Variants in ZNHIT3 observed in about 807,000 individuals in gnomAD.
ZNHIT3 encodes zinc finger HIT domain-containing protein 3.
In ZNHIT3, 27 loss-of-function variants were observed where a neutral mutation model predicts 19.9. The observed-to-expected ratio is 1.36, with a 90% CI of 1.00 to 1.87. ZNHIT3 has a LOEUF of 1.87. Ranked by LOEUF, ZNHIT3 falls within the 40% of genes most tolerant of loss-of-function variation. The pLI is 0.00. For missense variants in ZNHIT3, 215 were observed against 185.6 expected, an observed-to-expected ratio of 1.16 and a Z score of -0.92; for synonymous variants, 81 against 65.7, an observed-to-expected ratio of 1.23 and a Z score of -1.13.
chr17:36,496,322 A>G (rs746978850), downstream of ZNHIT3: 5 of 1,614,052 alleles, frequency 3.1e-6, no homozygotes, highest in Non-Finnish European at 4.2e-6. Flanking sequence ...ATCTGATTAA[A>G]GCCTGTAATG....
chr17:36,495,302 CAA>C lies in ZNHIT3; in HGVS notation c.368_369del (p.Lys123SerfsTer30). On this transcript the variant is annotated frameshift_variant, in exon 5 of 5. Transcript: ENST00000617429. LOFTEE classifies it high-confidence loss of function. ...LMVNLDQGEDKAKLMRAYMQE... is the reference protein window; with the variant it reads ...LMVNLDQGEDXAKLMRAYMQE... Reference sequence around the variant, plus strand: ...TGGTCAACCTCGATCAGGGAGAAGACAAAGCAAAGCTCATGAGAGCTTACATG... The same window carrying C: ...TGGTCAACCTCGATCAGGGAGAAGACAGCAAAGCTCATGAGAGCTTACATG... 1 of 1,613,830 alleles carries C rather than the reference CAA, an allele frequency of 6.2e-7. No homozygotes were observed. The highest frequency in any genetic ancestry group is 8.5e-7 in the Non-Finnish European group (1 of 1,179,978).
downstream of ZNHIT3, chr17:36,498,929 T>C (rs2071248382): frequency 3.1e-6 from 2 of 653,674 alleles, no homozygotes; most frequent in Non-Finnish European, 5.4e-6. Context: ...GCCCACTGCA[T>C]ACATGAGGAA....
downstream of ZNHIT3, chr17:36,499,051 C>T: frequency 3.8e-6 from 6 of 1,580,040 alleles, no homozygotes; most frequent in Non-Finnish European, 5.2e-6. Context: ...CACTGCCCAC[C>T]CCGACTTCTT....
intron 2 of ZNHIT3, chr17:36,491,303 A>C (rs1356335799): frequency 6.6e-6 from 1 of 152,270 alleles, no homozygotes; most frequent in Non-Finnish European, 1.5e-5. Flanking sequence ...GGGTGCATTC[A>C]GGGTGGCTTA....
chr17:36,491,073 C>T (rs1567715088), intron 2 of ZNHIT3: 1 of 152,232 alleles, frequency 6.6e-6, no homozygotes, highest in Non-Finnish European at 1.5e-5. Context: ...ATCCTTCCAC[C>T]TTGGCCTCCC....
In ZNHIT3 at chr17:36,495,231, G is replaced by C. The variant is rs772327880; in HGVS notation, c.295G>C (p.Ala99Pro). Residue 99 changes from alanine to proline, a missense_variant, in exon 5 of 5, where the codon GCA becomes CCA. Physicochemically the swap from Ala to Pro is conservative, Grantham distance 27. Coordinates refer to ENST00000617429, the MANE Select transcript of ZNHIT3 (RefSeq NM_004773.4). ...TTCTTGTTAATTTTTAGGGGAATCT[G>C]CAACATTAAGAAGCTTATTGCTCAA... ...LQNLKNLGES[A>P]TLRSLLLNPH... 1 of 1,567,734 alleles carries C rather than the reference G, an allele frequency of 6.4e-7. No individual in the cohort carries two copies. The highest frequency in any genetic ancestry group is 1.4e-5 in the African/African-American group (1 of 72,400).
chr17:36,492,819 G>A lies in ZNHIT3; in HGVS notation c.125G>A (p.Cys42Tyr). Residue 42 changes from cysteine to tyrosine, a missense_variant, in exon 3 of 5, where the codon TGC becomes TAC. Transcript: ENST00000617429. ...VVCFRKHKEQ[C>Y]NPETRPVEKK... is the part of the protein sequence containing the mutation. ...GGATTTGTGTCTTTTTCAGAACAGT[G>A]CAACCCTGAAACTCGTCCTGTTGAG... 5 of 1,614,100 alleles carry A rather than the reference G, an allele frequency of 3.1e-6. No individual in the cohort carries two copies. Among genetic ancestry groups the A allele is most frequent in the Non-Finnish European group, 4.2e-6 (5 of 1,179,972 alleles).
intron 3 of ZNHIT3, 78 bp from the exon 4 acceptor site, chr17:36,493,848 C>A: frequency 1.0e-6 from 1 of 967,282 alleles, no homozygotes; most frequent in Non-Finnish European, 1.7e-6. Context: ...CATTTTTATC[C>A]TGTTCAAGTA....
downstream of ZNHIT3, chr17:36,496,091 C>T (rs565232400): frequency 5.6e-5 from 56 of 996,800 alleles, 2 homozygotes; most frequent in South Asian, 1.3e-4. Context: ...GGCCCACTGA[C>T]GCACTGGGCA....
intron 4 of ZNHIT3, 52 bp from the exon 5 acceptor site, chr17:36,495,171 C>CCATG: frequency 6.6e-7 from 1 of 1,523,514 alleles, no homozygotes; most frequent in Non-Finnish European, 8.8e-7. Context: ...TCAGCCATCT[C>CCATG]CATGTGTTTC....
chr17:36,498,082 C>G, downstream of ZNHIT3: 1 of 596,866 alleles, frequency 1.7e-6, no homozygotes, highest in Non-Finnish European at 2.8e-6. Context: ...TGGAAGATTC[C>G]CAGTTATAAC....
At chr17:36,490,513 G>C (rs1006140078) in intron 2 of ZNHIT3, 1 of 152,194 alleles carries the variant, frequency 6.6e-6, no homozygotes, top group Non-Finnish European at 1.5e-5. Flanking sequence ...AGGCCAAGTA[G>C]TGGTGATGCC....
downstream of ZNHIT3, chr17:36,498,839 T>C (rs2071240425): frequency 5.1e-6 from 3 of 592,406 alleles, no homozygotes; most frequent in Non-Finnish European, 9.0e-6. Context: ...AAAGTGTACA[T>C]CCCAGAGTTT....
chr17:36,498,317 G>C (rs2071194224), downstream of ZNHIT3: 2 of 1,613,852 alleles, frequency 1.2e-6, no homozygotes, highest in South Asian at 2.2e-5. Flanking sequence ...GTGCTGTCTG[G>C]ACAGTGTAGC....
chr17:36,498,583 T>C (rs1237753467), downstream of ZNHIT3: 2 of 1,585,880 alleles, frequency 1.3e-6, no homozygotes, highest in South Asian at 2.2e-5. Flanking sequence ...TATCCCTTTA[T>C]AGCTTTAGAT....
intron 2 of ZNHIT3, chr17:36,492,192 G>C (rs1351867667): frequency 2.0e-5 from 3 of 153,216 alleles, no homozygotes; most frequent in Non-Finnish European, 2.9e-5. Context: ...CTGTCACCCA[G>C]GCTGGAGTGC....
chr17:36,496,518 ATT>A, downstream of ZNHIT3: 1 of 953,678 alleles, frequency 1.0e-6, no homozygotes, highest in Non-Finnish European at 1.6e-6. Context: ...AAGTACTAGT[ATT>A]GGGGGCCACA....
Position 36,486,703 on chromosome 17 carries a change from G to A in ZNHIT3, c.4G>A (p.Ala2Thr), listed in dbSNP as rs140081743. 1 of 1,613,908 alleles carries A rather than the reference G, an allele frequency of 6.2e-7. No homozygotes were observed. The highest frequency in any genetic ancestry group is 8.5e-7 in the Non-Finnish European group (1 of 1,179,912). Residue 2 changes from alanine to threonine, a missense_variant, in exon 1 of 5, where the codon GCG (alanine) becomes ACG (threonine). By Grantham distance (58) the Ala-to-Thr change is moderately conservative. Coordinates refer to ENST00000617429, the MANE Select transcript of ZNHIT3 (RefSeq NM_004773.4). ...AACAGTCTCCTTCCACAAAACCATG[G>A]CGTCGCTCAAATGTAGCACCGTCGT... Reference protein sequence around the residue: MASLKCSTVVCV... With the variant: MTSLKCSTVVCV...
rs372796505 is a variant in ZNHIT3, at chr17:36,492,207, G to C, written c.119-606G>C. 71 of 153,652 alleles carry C rather than the reference G, an allele frequency of 4.6e-4. No homozygotes were observed. In the East Asian group the frequency reaches 0.013, roughly 29 times the overall value. The allele number at this position is 153,652 out of a possible 1,614,324, so 9.5% of individuals were successfully genotyped here. Reference sequence around the variant, plus strand: ...CTGTCACCCAGGCTGGAGTGCAGTGGCACAATCACAGCTCACTGCAGCCTT... The same window carrying C: ...CTGTCACCCAGGCTGGAGTGCAGTGCCACAATCACAGCTCACTGCAGCCTT... On this transcript the variant is annotated intron_variant, in intron 2 of 4. Coordinates refer to ENST00000617429, the MANE Select transcript of ZNHIT3 (RefSeq NM_004773.4).
Sources: allele counts gnomAD v4.1 joint callset, GRCh38; gene constraint gnomAD v4.1.1; transcripts MANE v1.5; gene names NCBI Gene and HGNC (gene_info 2026-07-23, HGNC 2026-07-21).